Variants in CUL3 observed in about 807,000 individuals in gnomAD.
CUL3 encodes the protein cullin-3.
Under a neutral mutation model 89.1 loss-of-function variants are expected in CUL3, and 19 were observed. The observed-to-expected ratio is 0.21, with a 90% CI of 0.15 to 0.31. The LOEUF is 0.31. Ranked by LOEUF, CUL3 falls within the 10% of genes least tolerant of loss-of-function variation. The pLI is 1.00. For synonymous variants in CUL3, 351 were observed against 308.4 expected, an observed-to-expected ratio of 1.14 and a Z score of -1.45; for missense variants, 469 against 942.3, an observed-to-expected ratio of 0.50 and a Z score of 6.58.
chr2:224,540,378 C>A (rs16866040), intron 2 of CUL3, among the ~76,000 whole-genome samples: 3 of 149,546 alleles, frequency 2.0e-5, no homozygotes, highest in East Asian at 2.0e-4. Context: ...ATTCTGAAAA[C>A]GGCTCTAAAA....
intron 7 of CUL3, among the ~76,000 whole-genome samples, chr2:224,506,452 G>A (rs1188531253): frequency 6.6e-6 from 1 of 152,072 alleles, no homozygotes; most frequent in Non-Finnish European, 1.5e-5. Context: ...ACCAAAAAAA[G>A]CTGATTATGT....
chr2:224,487,434 C>T (rs1165697353), intron 13 of CUL3, among the ~76,000 whole-genome samples: 7 of 93,846 alleles, frequency 7.5e-5, no homozygotes, highest in Non-Finnish European at 1.4e-4. Context: ...TTACCAAGCC[C>T]GCCCCCCCCA....
At chr2:224,516,699 T>C (rs1440163705) in intron 3 of CUL3, among the ~76,000 whole-genome samples, 1 of 151,986 alleles carries the variant, frequency 6.6e-6, no homozygotes, top group Non-Finnish European at 1.5e-5. Context: ...CAGGCTGGAG[T>C]GCAGTGGTGT....
At chr2:224,584,758 G>A (rs969131439) in intron 1 of CUL3, among the ~76,000 whole-genome samples, 186 bp downstream of exon 1, 1 of 146,424 alleles carries the variant, frequency 6.8e-6, no homozygotes, top group African/African-American at 2.5e-5. Context: ...GGAACGGCCC[G>A]GGAGGGCGGC....
intron 3 of CUL3, among the ~76,000 whole-genome samples, chr2:224,530,553 A>C (rs1693660719): frequency 6.6e-6 from 1 of 152,240 alleles, no homozygotes; most frequent in African/African-American, 2.4e-5. Context: ...TATGTTTGTC[A>C]AAAATCATTT....
In CUL3 at chr2:224,471,934, T is replaced by G. The variant is rs1691146453; in HGVS notation, c.*2311A>C. 1 of 231,088 alleles carries G rather than the reference T, an allele frequency of 4.3e-6. No homozygotes were observed. The allele number at this position is 231,088 out of a possible 1,614,324, so 14.3% of individuals were successfully genotyped here. ...GGATGGAATGGTTAGGATGCATTTT[T>G]CTTTCAAATTAAAGCATTAAAAACT... On this transcript the variant is annotated 3_prime_UTR_variant, in exon 16 of 16. Coordinates refer to ENST00000264414, the MANE Select transcript of CUL3 (RefSeq NM_003590.5).
chr2:224,548,338 G>A (rs1694382504), intron 2 of CUL3, among the ~76,000 whole-genome samples: 1 of 152,210 alleles, frequency 6.6e-6, no homozygotes, highest in Non-Finnish European at 1.5e-5. Flanking sequence ...GCAGGATGAA[G>A]CTCCTCTTAT....
chr2:224,525,001 A>G (rs1303783935), intron 3 of CUL3, among the ~76,000 whole-genome samples: 2 of 145,854 alleles, frequency 1.4e-5, no homozygotes, highest in Non-Finnish European at 3.1e-5. Flanking sequence ...AAATACACTT[A>G]TTAATCTAAA....
intron 1 of CUL3, chr2:224,560,424 G>A (rs1694866773): frequency 6.6e-6 from 1 of 152,368 alleles, no homozygotes; most frequent in Admixed American, 6.5e-5. Flanking sequence ...ATGCGTAGTA[G>A]GCATCTCAAA....
intron 1 of CUL3, among the ~76,000 whole-genome samples, chr2:224,558,527 C>T (rs892974605): frequency 6.6e-6 from 1 of 152,110 alleles, no homozygotes; most frequent in African/African-American, 2.4e-5. Flanking sequence ...ATAAAACCTG[C>T]TAGGTTCTTG....
At chr2:224,508,929 T>A (rs1318289486) in intron 6 of CUL3, among the ~76,000 whole-genome samples, 6 of 126,508 alleles carry the variant, frequency 4.7e-5, no homozygotes, top group African/African-American at 9.6e-5. Context: ...ACCACTGCAC[T>A]CCAGCCTGGG....
chr2:224,480,371 A>G (rs1691490870), intron 14 of CUL3, among the ~76,000 whole-genome samples: 1 of 152,178 alleles, frequency 6.6e-6, no homozygotes, highest in Non-Finnish European at 1.5e-5. Flanking sequence ...GACTTAAACT[A>G]TGAGTAAGAG....
At chr2:224,538,898 G>A (rs1523919) in intron 2 of CUL3, among the ~76,000 whole-genome samples, 37,105 of 152,050 alleles carry the variant, frequency 0.24, 5,218 homozygotes, top group Middle Eastern at 0.36. Context: ...GTACGATGCA[G>A]TAGTGTGTCC....
intron 2 of CUL3, among the ~76,000 whole-genome samples, chr2:224,552,219 T>C: frequency 6.8e-6 from 1 of 147,692 alleles, no homozygotes; most frequent in East Asian, 2.1e-4. Context: ...CCTCCATTAC[T>C]ATGCTTTTTT....
In CUL3 at chr2:224,497,837, G is replaced by A. The variant is rs1464099503; in HGVS notation, c.1623C>T (p.Ala541=). 1.2e-6 allele frequency: 2 copies of A among 1,613,590 alleles called. No individual in the cohort carries two copies. Among genetic ancestry groups the A allele is most frequent in the Non-Finnish European group, 1.7e-6 (2 of 1,179,600 alleles). The change falls in exon 12 of 16, where the codon GCC becomes GCT. Residue 541 remains alanine, a synonymous_variant. Transcript: ENST00000264414. ...GTGTGAGCTGTCGACCACTGTGTTTGGCTAAGTAGAACCTTCAGTAAATCA... is the reference window on the plus strand; with the variant it reads ...GTGTGAGCTGTCGACCACTGTGTTTAGCTAAGTAGAACCTTCAGTAAATCA... ...AFEIFRRFYL[A]KHSGRQLTLQ...
intron 13 of CUL3, among the ~76,000 whole-genome samples, chr2:224,488,273 AC>A (rs1316478736): frequency 1.3e-5 from 2 of 152,194 alleles, no homozygotes; most frequent in East Asian, 3.9e-4. Flanking sequence ...AGAAAACAGA[AC>A]TGAAGGAGAT....
At chr2:224,532,128 T>G (rs1477082186) in intron 3 of CUL3, among the ~76,000 whole-genome samples, 1 of 152,200 alleles carries the variant, frequency 6.6e-6, no homozygotes, top group Non-Finnish European at 1.5e-5. Flanking sequence ...CTTCAGAGAA[T>G]GAAGGCTCCA....
chr2:224,481,108 C>T (rs947927354), intron 14 of CUL3, among the ~76,000 whole-genome samples: 5 of 152,104 alleles, frequency 3.3e-5, no homozygotes, highest in African/African-American at 1.2e-4. Context: ...TCATAATATA[C>T]AATATAAATA....
rs2106202464 is a variant in CUL3, at chr2:224,505,941, T to C, written c.1206+15A>G. On this transcript the variant is annotated intron_variant, in intron 8 of 15. Coordinates refer to ENST00000264414, the MANE Select transcript of CUL3 (RefSeq NM_003590.5). ...AATAAAATTAAATGTTATTTTCAAA[T>C]GCATTACTACTTACCCCTTTGACTC... is the stretch of plus-strand genomic sequence containing the variant. 6.9e-7 allele frequency: 1 copy of C among 1,440,456 alleles called. No homozygotes were observed. The highest frequency in any genetic ancestry group is 9.4e-7 in the Non-Finnish European group (1 of 1,068,948). The allele number at this position is 1,440,456 out of a possible 1,614,324, so 89.2% of individuals were successfully genotyped here.
Sources: gnomAD v4.1 joint callset for allele counts (sites outside exome capture counted in the v4.1 genomes callset) on GRCh38, gnomAD v4.1.1 for gene constraint, MANE v1.5 for transcripts, NCBI Gene and HGNC (gene_info 2026-07-23, HGNC 2026-07-21) for gene names.